The following DEPTOR variants were observed in gnomAD, a reference collection of about 807,000 sequenced individuals.
DEPTOR encodes DEP domain-containing mTOR-interacting protein.
DEPTOR carries 41 observed loss-of-function variants against 41.6 expected under a neutral mutation model. That is an observed-to-expected ratio of 0.98 (90% CI 0.77 to 1.28). The LOEUF is 1.28. Among genes scored for constraint, DEPTOR ranks in the 50% most tolerant of loss-of-function variants. DEPTOR has a pLI of 0.00. For synonymous variants in DEPTOR, 195 were observed against 192.3 expected (o/e 1.01, Z -0.12); for missense variants, 514 against 527.9 (o/e 0.97, Z 0.26).
intron 1 of DEPTOR, chr8:119,874,200 G>A: frequency 1.6e-6 from 1 of 607,082 alleles, no homozygotes; most frequent in Non-Finnish European, 2.7e-6. Context: ...CGAGCGGGTG[G>A]TGCGCGCTGC....
chr8:120,023,195 C>T, intron 8 of DEPTOR, among the ~76,000 whole-genome samples: 1 of 152,044 alleles, frequency 6.6e-6, no homozygotes, highest in East Asian at 1.9e-4. Context: ...CCTATAGGGT[C>T]CCACCTTTAT....
intron 1 of DEPTOR, among the ~76,000 whole-genome samples, chr8:119,889,446 C>G (rs1372508484): frequency 6.6e-6 from 1 of 150,782 alleles, no homozygotes; most frequent in African/African-American, 2.4e-5. Context: ...ACTTGGGAGG[C>G]TAAGGTGGGA....
At chr8:120,023,834 C>T (rs1261665860) in intron 8 of DEPTOR, among the ~76,000 whole-genome samples, 1 of 150,916 alleles carries the variant, frequency 6.6e-6, no homozygotes, top group Non-Finnish European at 1.5e-5. Flanking sequence ...GCTTCCATTC[C>T]CAAGGTTACT....
chr8:119,995,719 A>G (rs1468569476), intron 4 of DEPTOR, among the ~76,000 whole-genome samples: 14 of 152,164 alleles, frequency 9.2e-5, no homozygotes, highest in Admixed American at 9.2e-4. Context: ...AGGCTTTGGT[A>G]TTGGTGAGCA....
chr8:120,019,310 A>AAAAAT (rs940393295), intron 8 of DEPTOR, among the ~76,000 whole-genome samples: 5 of 152,164 alleles, frequency 3.3e-5, no homozygotes, highest in South Asian at 2.1e-4. Flanking sequence ...CTCAAAAATA[A>AAAAAT]AAAATAAAAT....
chr8:119,877,061 A>G (rs997934775), intron 1 of DEPTOR, among the ~76,000 whole-genome samples: 20 of 152,256 alleles, frequency 1.3e-4, no homozygotes, highest in East Asian at 5.8e-4. Flanking sequence ...TTCTGCCTCC[A>G]CCATTTATTC....
chr8:119,929,688 G>T, intron 2 of DEPTOR, 127 bp from the exon 3 acceptor site: 1 of 1,264,234 alleles, frequency 7.9e-7, no homozygotes, highest in South Asian at 1.5e-5. Flanking sequence ...AGCTCATATG[G>T]TACATATTTG....
At chr8:120,003,925 T>TG (rs1812394139) in intron 6 of DEPTOR, among the ~76,000 whole-genome samples, 2 of 152,186 alleles carry the variant, frequency 1.3e-5, no homozygotes, top group South Asian at 4.1e-4. Flanking sequence ...TGAGGATGTG[T>TG]GGTCCATCAC....
intron 1 of DEPTOR, among the ~76,000 whole-genome samples, chr8:119,896,427 C>A (rs1367160055): frequency 2.0e-5 from 3 of 152,120 alleles, no homozygotes; most frequent in Non-Finnish European, 4.4e-5. Flanking sequence ...CGGTCAGAGG[C>A]GGAGATGCCC....
At chr8:119,878,111 T>C (rs1198637755) in intron 1 of DEPTOR, among the ~76,000 whole-genome samples, 1 of 152,154 alleles carries the variant, frequency 6.6e-6, no homozygotes, top group Non-Finnish European at 1.5e-5. Flanking sequence ...TTATTTTTCT[T>C]GAAGCACAAG....
chr8:119,928,267 C>T, intron 1 of DEPTOR, 133 bp from the exon 2 acceptor site: 3 of 938,990 alleles, frequency 3.2e-6, no homozygotes, highest in South Asian at 3.9e-5. Context: ...ATGGAAATCA[C>T]CAAGCGAGCT....
rs541295026 is a variant in DEPTOR, at chr8:119,953,961, C to T, written c.426-11271C>T. 1.8e-4 allele frequency among the ~76,000 whole-genome samples: 28 copies of T among 151,898 alleles called. 2 individuals are homozygous for T. The South Asian group carries it at 2.5e-3, about 14-fold the overall frequency. ...CTGAGATTACAGGTGCCCACCACCA[C>T]GCCCGGCTAATTTTTTGTATTTTTA... On this transcript the variant is annotated intron_variant, in intron 3 of 8. Coordinates refer to ENST00000286234, the MANE Select transcript of DEPTOR (RefSeq NM_022783.4).
intron 4 of DEPTOR, among the ~76,000 whole-genome samples, chr8:119,975,516 T>C (rs1828686091): frequency 6.6e-6 from 1 of 151,776 alleles, no homozygotes; most frequent in Admixed American, 6.6e-5. Context: ...GGATGGAAAA[T>C]TACTAAATAG....
intron 8 of DEPTOR, among the ~76,000 whole-genome samples, chr8:120,018,512 G>A (rs928764137): frequency 1.3e-5 from 2 of 152,174 alleles, no homozygotes; most frequent in African/African-American, 4.8e-5. Context: ...CCGGGAGGTG[G>A]AGGTTGCCGT....
At chr8:119,959,331 T>G (rs1314573064) in intron 3 of DEPTOR, among the ~76,000 whole-genome samples, 1 of 150,932 alleles carries the variant, frequency 6.6e-6, no homozygotes, top group Non-Finnish European at 1.5e-5. Flanking sequence ...CCCAGCTAAT[T>G]TTTGTAAATT....
At chr8:119,987,395 C>T (rs568684839) in intron 4 of DEPTOR, among the ~76,000 whole-genome samples, 10 of 152,236 alleles carry the variant, frequency 6.6e-5, no homozygotes, top group South Asian at 6.2e-4. Flanking sequence ...CTGTTCTTTC[C>T]GCTAGAAGCT....
At chr8:119,928,249 C>A in intron 1 of DEPTOR, 151 bp from the exon 2 acceptor site, 1 of 788,060 alleles carries the variant, frequency 1.3e-6, no homozygotes, top group Non-Finnish European at 1.9e-6. Context: ...CCTTTGAACT[C>A]TGACAGTATG....
rs989300208 is a variant in DEPTOR at position 119,891,891 on chromosome 8, T to C, written c.122+17923T>C. On this transcript the variant is annotated intron_variant, in intron 1 of 8. Coordinates refer to ENST00000286234, the MANE Select transcript of DEPTOR (RefSeq NM_022783.4). Reference sequence around the variant, plus strand: ...TCTGGGAAAACTGCAAAATGTTCTTTACTTGCATAACTCAACTGAGTAAAG... The same window carrying C: ...TCTGGGAAAACTGCAAAATGTTCTTCACTTGCATAACTCAACTGAGTAAAG... Among the ~76,000 whole-genome samples the C allele has an allele frequency of 2.0e-5, 3 of 152,366 alleles. No homozygotes were observed. In the East Asian group the frequency reaches 5.8e-4, roughly 29 times the overall value.
At chr8:119,937,233 C>G (rs1292416586) in intron 3 of DEPTOR, among the ~76,000 whole-genome samples, 1 of 151,908 alleles carries the variant, frequency 6.6e-6, no homozygotes, top group African/African-American at 2.4e-5. Flanking sequence ...AACCCAGTCT[C>G]TACTAAAAAT....
Sources: gnomAD v4.1 joint callset for allele counts (sites outside exome capture counted in the v4.1 genomes callset) on GRCh38, gnomAD v4.1.1 for gene constraint, MANE v1.5 for transcripts, NCBI Gene and HGNC (gene_info 2026-07-23, HGNC 2026-07-21) for gene names.